The following LEPR variants were observed in gnomAD, a reference collection of about 807,000 sequenced individuals.
The protein encoded by LEPR is leptin receptor.
In LEPR, 56 loss-of-function variants were observed where a neutral mutation model predicts 114.7. The ratio of observed to expected loss-of-function variants is 0.49; its 90% CI spans 0.39 to 0.61. The LOEUF is 0.61. Among genes scored for constraint, LEPR ranks in the 20% least tolerant of loss-of-function variants. LEPR has a pLI of 0.00. For synonymous variants in LEPR, 443 were observed against 461.4 expected (o/e 0.96, Z 0.51); for missense variants, 1,202 against 1,352.9 (o/e 0.89, Z 1.75).
chr1:65,533,053 G>A (rs1192804401), intron 2 of LEPR, among the ~76,000 whole-genome samples: 1 of 152,032 alleles, frequency 6.6e-6, no homozygotes, highest in African/African-American at 2.4e-5. Flanking sequence ...ATTTCTATAT[G>A]CCATCAAGAA....
At chr1:65,505,690 C>T (rs149046295) in intron 2 of LEPR, among the ~76,000 whole-genome samples, 280 of 152,244 alleles carry the variant, frequency 1.8e-3, no homozygotes, top group African/African-American at 6.3e-3. Flanking sequence ...CTTTTCTCAC[C>T]CCTTCAAACT....
At chr1:65,591,475 T>C (rs565375384) in intron 5 of LEPR, among the ~76,000 whole-genome samples, 8 of 152,082 alleles carry the variant, frequency 5.3e-5, no homozygotes, top group Non-Finnish European at 8.8e-5. Flanking sequence ...GTTCTCTCAA[T>C]CTTTTGCTTC....
At chr1:65,550,156 C>T (rs572799549) in intron 2 of LEPR, among the ~76,000 whole-genome samples, 2 of 152,312 alleles carry the variant, frequency 1.3e-5, no homozygotes, top group African/African-American at 4.8e-5. Flanking sequence ...ATGCTGCTGT[C>T]TGATCCTTCC....
In LEPR at chr1:65,530,925, C is replaced by T. The variant is rs538074923; in HGVS notation, c.-20-34621C>T. On this transcript the variant is annotated intron_variant, in intron 2 of 19. Transcript: ENST00000349533. The stretch of plus-strand genomic sequence containing the variant: ...CTCACGTGAGTTATTGCAAGGACCT[C>T]CAAACTGGTCTCCCTGCTTTTATTT... Among the ~76,000 whole-genome samples, 3 of 151,034 alleles carry T rather than the reference C, an allele frequency of 2.0e-5. No individual in the cohort carries two copies. In the East Asian group the frequency reaches 5.8e-4, roughly 29 times the overall value.
intron 3 of LEPR, among the ~76,000 whole-genome samples, chr1:65,569,573 G>T (rs2100800651): frequency 6.6e-6 from 1 of 152,004 alleles, no homozygotes; most frequent in Admixed American, 6.5e-5. Context: ...CGGGTGTGGT[G>T]GGAGGTGCCT....
chr1:65,432,689 A>T, intron 2 of LEPR: 1 of 955,538 alleles, frequency 1.0e-6, no homozygotes, highest in Non-Finnish European at 1.2e-6. Context: ...AGACAGTCAA[A>T]GGGTACAAAG....
At chr1:65,611,263 G>A (rs1334540050) in intron 14 of LEPR, among the ~76,000 whole-genome samples, 1 of 152,122 alleles carries the variant, frequency 6.6e-6, no homozygotes, top group Non-Finnish European at 1.5e-5. Flanking sequence ...AGAACTGACA[G>A]ACATTTATGA....
intron 7 of LEPR, among the ~76,000 whole-genome samples, chr1:65,598,095 C>CT (rs1226626771): frequency 0.04 from 4,108 of 101,498 alleles, 359 homozygotes; most frequent in African/African-American, 0.13. Flanking sequence ...CCTCCTGCCT[C>CT]TTTTTTTTTT....
At chr1:65,587,250 C>T (rs943145501) in intron 5 of LEPR, among the ~76,000 whole-genome samples, 2 of 151,880 alleles carry the variant, frequency 1.3e-5, no homozygotes, top group African/African-American at 2.4e-5. Context: ...AGAATGTTTC[C>T]GACATAAAAC....
At chr1:65,545,496 A>G (rs1050904916) in intron 2 of LEPR, among the ~76,000 whole-genome samples, 1 of 150,958 alleles carries the variant, frequency 6.6e-6, no homozygotes, top group Admixed American at 6.6e-5. Context: ...AATGATTGCC[A>G]TTCTAACTGG....
chr1:65,432,179 T>C lies in LEPR; in HGVS notation c.-21+6801T>C, dbSNP rs1430184837. On this transcript the variant is annotated intron_variant, in intron 2 of 19. Coordinates refer to ENST00000349533, the MANE Select transcript of LEPR (RefSeq NM_002303.6). ...GTAGTCACGGTGCTCTCAGAAAATA[T>C]ATTAACGCAGTCTTGTAGGCAGCTG... 5 of 1,127,328 alleles carry C rather than the reference T, an allele frequency of 4.4e-6. No individual in the cohort carries two copies. In the African/African-American group the frequency reaches 6.6e-5, roughly 15 times the overall value. The allele number at this position is 1,127,328 out of a possible 1,614,324, so 69.8% of individuals were successfully genotyped here. A position where few individuals can be genotyped will look rare whatever the true frequency, so the allele number is the denominator to read the frequency against.
intron 2 of LEPR, among the ~76,000 whole-genome samples, chr1:65,544,033 C>T (rs1196130373): frequency 6.6e-6 from 1 of 151,964 alleles, no homozygotes; most frequent in Non-Finnish European, 1.5e-5. Flanking sequence ...GGGGATAGCA[C>T]TGAATCTATA....
Position 65,633,798 on chromosome 1 carries a change from A to G in LEPR, c.2674-2393A>G. 1 of 985,648 alleles carries G rather than the reference A, an allele frequency of 1.0e-6. No homozygotes were observed. Among genetic ancestry groups the G allele is most frequent in the Non-Finnish European group, 1.2e-6 (1 of 830,170 alleles). The allele number at this position is 985,648 out of a possible 1,614,324, so 61.1% of individuals were successfully genotyped here. ...TTTCAATATCCTTGAAAATGGCTTAAGTGATAACTTCCGTTTCAGTTAAAA... is the reference window on the plus strand; with the variant it reads ...TTTCAATATCCTTGAAAATGGCTTAGGTGATAACTTCCGTTTCAGTTAAAA... On this transcript the variant is annotated intron_variant, in intron 19 of 19. Coordinates refer to ENST00000349533, the MANE Select transcript of LEPR (RefSeq NM_002303.6). This position sits in a 1 kb window ranked among gnomAD's most constrained non-coding sequence, Gnocchi z 4.1.
chr1:65,518,889 CTTTCTTTCTTTCTTTCTT>C (rs1649445183), intron 2 of LEPR, among the ~76,000 whole-genome samples: 1 of 82,298 alleles, frequency 1.2e-5, no homozygotes, highest in African/African-American at 4.3e-5. Context: ...TTCTTTCTTT[CTTTCTTTCTTTCTTTCTT>C]TCTTTCTTTC....
At chr1:65,505,697 A>G (rs1166780097) in intron 2 of LEPR, among the ~76,000 whole-genome samples, 1 of 151,118 alleles carries the variant, frequency 6.6e-6, no homozygotes, top group African/African-American at 2.4e-5. Flanking sequence ...CACCCCTTCA[A>G]ACTAAGAGGG....
intron 2 of LEPR, among the ~76,000 whole-genome samples, chr1:65,464,990 A>AT (rs1017734173): frequency 2.0e-5 from 3 of 151,908 alleles, no homozygotes; most frequent in Admixed American, 6.6e-5. Flanking sequence ...GGATTCATTG[A>AT]TTTTTTTGAA....
intron 19 of LEPR, among the ~76,000 whole-genome samples, chr1:65,626,717 A>T (rs566137257): frequency 6.6e-6 from 1 of 152,116 alleles, no homozygotes; most frequent in Non-Finnish European, 1.5e-5. Context: ...ATCTCAGCTC[A>T]CTGCAGCCTC....
chr1:65,452,162 T>C (rs368358047), intron 2 of LEPR, among the ~76,000 whole-genome samples: 27 of 152,266 alleles, frequency 1.8e-4, no homozygotes, highest in South Asian at 1.5e-3. Flanking sequence ...TGCTTATCAA[T>C]TTAAGGAGAT....
intron 2 of LEPR, among the ~76,000 whole-genome samples, chr1:65,518,048 C>A (rs936363469): frequency 6.6e-6 from 1 of 152,190 alleles, no homozygotes; most frequent in Non-Finnish European, 1.5e-5. Context: ...AATGCAGAGT[C>A]CTGTTTCTCC....
Sources: allele counts gnomAD v4.1 joint callset (sites outside exome capture counted in the v4.1 genomes callset), GRCh38; gene constraint gnomAD v4.1.1; non-coding constraint Gnocchi (gnomAD v3.1); transcripts MANE v1.5; gene names NCBI Gene and HGNC (gene_info 2026-07-23, HGNC 2026-07-21).